The following TMC7 variants were observed in gnomAD, a reference collection of about 807,000 sequenced individuals.
TMC7 encodes transmembrane channel-like protein 7.
TMC7 carries 54 observed loss-of-function variants against 82.9 expected under a neutral mutation model. The observed-to-expected ratio is 0.65, with a 90% CI of 0.52 to 0.82. TMC7 has a LOEUF of 0.82. Ranked by LOEUF, TMC7 falls within the 40% of genes least tolerant of loss-of-function variation. The pLI is 0.00. For synonymous variants in TMC7, 350 were observed against 337.9 expected (o/e 1.04, Z -0.39); for missense variants, 820 against 901.2 (o/e 0.91, Z 1.15).
chr16:19,010,674 A>G (rs1274510677), intron 2 of TMC7, among the ~76,000 whole-genome samples: 2 of 152,184 alleles, frequency 1.3e-5, no homozygotes, highest in Non-Finnish European at 2.9e-5. Flanking sequence ...AGCCTAAAAC[A>G]ATAGTTTCTC....
intron 2 of TMC7, among the ~76,000 whole-genome samples, chr16:19,016,061 G>A (rs367892398): frequency 1.3e-5 from 2 of 152,166 alleles, no homozygotes; most frequent in Middle Eastern, 3.4e-3. Context: ...TGTCCTTTCA[G>A]CTGGGATTTT....
At chr16:19,013,636 G>A (rs1043329598) in intron 2 of TMC7, among the ~76,000 whole-genome samples, 1 of 151,932 alleles carries the variant, frequency 6.6e-6, no homozygotes. Flanking sequence ...TCCCACTTCA[G>A]CCTCCTGAGT....
intron 1 of TMC7, among the ~76,000 whole-genome samples, chr16:18,990,453 C>T (rs535476385): frequency 1.3e-5 from 2 of 152,210 alleles, no homozygotes; most frequent in African/African-American, 4.8e-5. Flanking sequence ...CGCCACCATG[C>T]CCGGCTAATT....
chr16:19,013,172 A>AT (rs1959474313), intron 2 of TMC7, among the ~76,000 whole-genome samples: 1 of 151,764 alleles, frequency 6.6e-6, no homozygotes. Flanking sequence ...ATTTCCTTTA[A>AT]TCCCCACTCC....
chr16:19,019,683 C>G (rs1959870642), intron 3 of TMC7, among the ~76,000 whole-genome samples: 1 of 152,136 alleles, frequency 6.6e-6, no homozygotes, highest in African/African-American at 2.4e-5. Flanking sequence ...GCCACTATGT[C>G]TAGCTTCCTC....
chr16:18,984,037 A>G lies in TMC7; in HGVS notation c.-27A>G. 1 of 1,448,054 alleles carries G rather than the reference A, an allele frequency of 6.9e-7. No homozygotes were observed. Among genetic ancestry groups the G allele is most frequent in the Non-Finnish European group, 9.0e-7 (1 of 1,107,218 alleles). 89.7% of individuals were successfully genotyped at this position (1,448,054 alleles called of 1,614,324 possible). A position where few individuals can be genotyped will look rare whatever the true frequency, so the allele number is the denominator to read the frequency against. On this transcript the variant is annotated 5_prime_UTR_variant, in exon 1 of 16. Transcript: ENST00000304381. ...GCGGCGGCTGGAGAGGGTCCTCGGCAGCCTCTGAGGAGCGCGGGGCGCGGC... is the reference window on the plus strand; with the variant it reads ...GCGGCGGCTGGAGAGGGTCCTCGGCGGCCTCTGAGGAGCGCGGGGCGCGGC...
chr16:19,015,565 G>T (rs1959640818), intron 2 of TMC7, among the ~76,000 whole-genome samples: 1 of 150,884 alleles, frequency 6.6e-6, no homozygotes, highest in Non-Finnish European at 1.5e-5. Flanking sequence ...GAACACTCAA[G>T]ACAAGTTTTT....
At chr16:19,045,226 C>G in intron 10 of TMC7, 115 bp from the exon 11 acceptor site, 1 of 929,250 alleles carries the variant, frequency 1.1e-6, no homozygotes, top group Non-Finnish European at 1.7e-6. Context: ...AGCTGATGCC[C>G]TCACTGGAGC....
At position 19,023,127 on chromosome 16, in the gene TMC7, G is replaced by A; in HGVS notation, c.643G>A (p.Val215Ile). The A allele has an allele frequency of 6.2e-7, 1 of 1,606,838 alleles. No individual in the cohort carries two copies. ...GTTTCTTACAGATAAACAATGTACA[G>A]TCTATCCAGTAAGCAGTTCTGGACT... ...PFKDMDKQCT[V>I]YPVSSSGLIY... The change falls in exon 5 of 16, where the codon GTC becomes ATC. Residue 215 changes from valine to isoleucine, a missense_variant. Val to Ile is a conservative substitution (Grantham distance 29). Transcript: ENST00000304381.
intron 6 of TMC7, among the ~76,000 whole-genome samples, chr16:19,032,105 A>G (rs1465110035): frequency 1.3e-5 from 2 of 152,198 alleles, no homozygotes; most frequent in Non-Finnish European, 1.5e-5. Context: ...AGACAGTATC[A>G]TGGATGGGCC....
chr16:19,047,341 G>A, intron 12 of TMC7, 92 bp downstream of exon 12: 1 of 1,063,228 alleles, frequency 9.4e-7, no homozygotes, highest in Non-Finnish European at 1.4e-6. Context: ...CACATCCCAT[G>A]AGACGTATCA....
intron 8 of TMC7, among the ~76,000 whole-genome samples, chr16:19,039,567 T>A (rs1418957883): frequency 3.3e-5 from 5 of 152,176 alleles, no homozygotes; most frequent in African/African-American, 1.2e-4. Flanking sequence ...CACATGGTAG[T>A]ACCTAGCTAC....
chr16:19,026,448 GC>G (rs1317426086), intron 5 of TMC7, among the ~76,000 whole-genome samples: 5 of 150,512 alleles, frequency 3.3e-5, no homozygotes, highest in Non-Finnish European at 4.4e-5. Flanking sequence ...CTGCACTCCA[GC>G]CTGGGCGACA....
At chr16:19,040,543 T>A in intron 9 of TMC7, 97 bp downstream of exon 9, 1 of 1,175,202 alleles carries the variant, frequency 8.5e-7, no homozygotes, top group Non-Finnish European at 1.2e-6. Context: ...TGTAGTGCAT[T>A]TTCCTGCTGA....
At chr16:19,043,205 CA>C (rs1961102395) in intron 9 of TMC7, among the ~76,000 whole-genome samples, 2 of 151,862 alleles carry the variant, frequency 1.3e-5, no homozygotes, top group South Asian at 4.1e-4. Flanking sequence ...TTTTTTCTTC[CA>C]AAAATAGGAT....
At chr16:19,030,392 C>T in intron 6 of TMC7, 23 bp downstream of exon 6, 1 of 1,598,690 alleles carries the variant, frequency 6.3e-7, no homozygotes, top group Non-Finnish European at 8.5e-7. Flanking sequence ...TTTGCATTCT[C>T]TCTGAATTAC....
In TMC7 at chr16:19,047,072, G is replaced by A. The variant is rs2142289407; in HGVS notation, c.1563G>A (p.Val521=). The change falls in exon 12 of 16, where the codon GTG becomes GTA. Residue 521 remains valine (V), a synonymous_variant. Transcript: ENST00000304381. The part of the protein sequence containing the change: ...LFVDFPRKLL[V]TYCSSCKLIQ... Reference sequence around the variant, plus strand: ...AATTGTCTGTTTCCAGGCTCCTGGTGACCTACTGTTCCTCTTGCAAGCTGA... The same window carrying A: ...AATTGTCTGTTTCCAGGCTCCTGGTAACCTACTGTTCCTCTTGCAAGCTGA... 1 of 1,606,946 alleles carries A rather than the reference G, an allele frequency of 6.2e-7. No individual in the cohort carries two copies.
At position 18,983,995 on chromosome 16, in the gene TMC7, G is replaced by C. The variant is rs923344060; in HGVS notation, c.-69G>C. The C allele has an allele frequency of 7.4e-7, 1 of 1,348,938 alleles. No individual in the cohort carries two copies. The highest frequency in any genetic ancestry group is 3.8e-5 in the Admixed American group (1 of 26,580). 83.6% of individuals were successfully genotyped at this position (1,348,938 alleles called of 1,614,324 possible). ...ATCCCGGCTCCGCGAGGGAAGGCCGGGGAGGCGGCGGCGGCGGCGGCGGCT... is the reference window on the plus strand; with the variant it reads ...ATCCCGGCTCCGCGAGGGAAGGCCGCGGAGGCGGCGGCGGCGGCGGCGGCT... On this transcript the variant is annotated 5_prime_UTR_variant, in exon 1 of 16. Coordinates refer to ENST00000304381, the MANE Select transcript of TMC7 (RefSeq NM_024847.4).
intron 15 of TMC7, 122 bp downstream of exon 15, chr16:19,059,616 C>T: frequency 1.3e-6 from 2 of 1,589,866 alleles, no homozygotes; most frequent in Non-Finnish European, 1.7e-6. Context: ...ACCACCTCCC[C>T]AAAACTCTGC....
Sources: allele counts gnomAD v4.1 joint callset (sites outside exome capture counted in the v4.1 genomes callset), GRCh38; gene constraint gnomAD v4.1.1; transcripts MANE v1.5; gene names NCBI Gene and HGNC (gene_info 2026-07-23, HGNC 2026-07-21).